The following KCND3 variants were observed in gnomAD, a reference collection of about 807,000 sequenced individuals.
The protein encoded by KCND3 is A-type voltage-gated potassium channel KCND3.
In KCND3, 9 loss-of-function variants were observed where a neutral mutation model predicts 51.1. That is an observed-to-expected ratio of 0.18 (90% confidence interval 0.11 to 0.31). KCND3 has a LOEUF of 0.31. Among genes scored for constraint, KCND3 ranks in the 10% least tolerant of loss-of-function variants. The probability of loss-of-function intolerance (pLI) is 1.00; values close to 1 mark genes in which losing one functional copy is unlikely to be tolerated. For synonymous variants in KCND3, 349 were observed against 368.0 expected (o/e 0.95, Z 0.59); for missense variants, 526 against 903.8 (o/e 0.58, Z 5.36).
intron 2 of KCND3, among the ~76,000 whole-genome samples, chr1:111,905,857 T>G (rs1445610024): frequency 6.6e-6 from 1 of 152,008 alleles, no homozygotes; most frequent in Non-Finnish European, 1.5e-5. Flanking sequence ...CTTAGAAAGC[T>G]CCATGGGAGA....
At chr1:111,784,625 C>G (rs1005936792) in intron 3 of KCND3, among the ~76,000 whole-genome samples, 15 of 152,218 alleles carry the variant, frequency 9.9e-5, no homozygotes, top group African/African-American at 3.6e-4. Flanking sequence ...TCTCCACTTT[C>G]CACCAAATCC....
intron 1 of KCND3, among the ~76,000 whole-genome samples, 189 bp downstream of exon 1, chr1:111,989,316 C>A (rs111333941): frequency 7.2e-5 from 11 of 152,090 alleles, no homozygotes; most frequent in Non-Finnish European, 1.5e-4. Context: ...CCGAGGGAAC[C>A]GACGCCCCCG....
At chr1:111,932,753 GC>G (rs1409808612) in intron 2 of KCND3, among the ~76,000 whole-genome samples, 29 of 152,148 alleles carry the variant, frequency 1.9e-4, no homozygotes, top group African/African-American at 7.0e-4. Context: ...CCAAAAGCTG[GC>G]CCTGCAGGAA....
intron 2 of KCND3, among the ~76,000 whole-genome samples, chr1:111,902,345 C>T (rs1670426913): frequency 6.6e-6 from 1 of 152,156 alleles, no homozygotes. Flanking sequence ...ACTGAATGAG[C>T]CTGGAGCAAC....
intron 2 of KCND3, among the ~76,000 whole-genome samples, chr1:111,861,525 C>T (rs1390813200): frequency 6.6e-6 from 1 of 152,222 alleles, no homozygotes; most frequent in African/African-American, 2.4e-5. Context: ...GGTCATAAGA[C>T]TTGTCCCAGG....
Position 111,842,393 on chromosome 1 carries a change from G to A in KCND3, c.1107-55287C>T, listed in dbSNP as rs558255942. On this transcript the variant is annotated intron_variant, in intron 2 of 7. Transcript: ENST00000302127. Reference sequence around the variant, plus strand: ...GAGGGAAGGTGGGACCTCCCAAAATGTCAGGGTCCTAGAGTGAGAAAGCAG... The same window carrying A: ...GAGGGAAGGTGGGACCTCCCAAAATATCAGGGTCCTAGAGTGAGAAAGCAG... Among the ~76,000 whole-genome samples, 41 of 152,332 alleles carry A rather than the reference G, an allele frequency of 2.7e-4. 1 individual carries two copies. In the South Asian group the frequency reaches 8.5e-3, roughly 32 times the overall value.
At chr1:111,961,772 C>T (rs892337945) in intron 2 of KCND3, among the ~76,000 whole-genome samples, 3 of 152,170 alleles carry the variant, frequency 2.0e-5, no homozygotes, top group African/African-American at 7.2e-5. Flanking sequence ...ATCTGGGTTC[C>T]AGTGATGTGA....
intron 2 of KCND3, among the ~76,000 whole-genome samples, chr1:111,795,159 A>G (rs1321358874): frequency 3.3e-5 from 5 of 152,148 alleles, no homozygotes; most frequent in East Asian, 1.9e-4. Context: ...ATGAAACCCC[A>G]TATCACCTCT....
intron 2 of KCND3, among the ~76,000 whole-genome samples, chr1:111,883,324 C>T (rs546845464): frequency 2.6e-5 from 4 of 152,244 alleles, no homozygotes; most frequent in Non-Finnish European, 5.9e-5. Context: ...CTGTCTGATA[C>T]ACAAGCTTAC....
rs181728305 is a variant in KCND3 at position 111,775,531 on chromosome 1, G to A, written c.*546C>T. 1 of 164,966 alleles carries A rather than the reference G, an allele frequency of 6.1e-6. No homozygotes were observed. The highest frequency in any genetic ancestry group is 1.6e-4 in the East Asian group (1 of 6,430). 10.2% of individuals were successfully genotyped at this position (164,966 alleles called of 1,614,324 possible). On this transcript the variant is annotated 3_prime_UTR_variant, in exon 8 of 8. Coordinates refer to ENST00000302127, the MANE Select transcript of KCND3 (RefSeq NM_001378969.1). ...AAATGCATTGTTTTGGTTCAAAGGT[G>A]TTGGGTCCATGGAGAAAAACATTTC...
At chr1:111,956,654 C>T (rs886158024) in intron 2 of KCND3, among the ~76,000 whole-genome samples, 1 of 152,112 alleles carries the variant, frequency 6.6e-6, no homozygotes, top group Non-Finnish European at 1.5e-5. Flanking sequence ...AGCTCATTTT[C>T]CCAGCCCTCC....
At chr1:111,942,760 G>C (rs1177151284) in intron 2 of KCND3, among the ~76,000 whole-genome samples, 1 of 152,214 alleles carries the variant, frequency 6.6e-6, no homozygotes, top group African/African-American at 2.4e-5. Flanking sequence ...AGCAGGAAAG[G>C]GGGTGGAGCT....
intron 2 of KCND3, among the ~76,000 whole-genome samples, chr1:111,874,552 T>C (rs1668964568): frequency 6.6e-6 from 1 of 152,220 alleles, no homozygotes; most frequent in South Asian, 2.1e-4. Context: ...TGGAGCCAAG[T>C]GTAGTGAGTC....
At chr1:111,845,730 G>A (rs1667517634) in intron 2 of KCND3, among the ~76,000 whole-genome samples, 1 of 152,182 alleles carries the variant, frequency 6.6e-6, no homozygotes, top group African/African-American at 2.4e-5. Flanking sequence ...CAAACAGAGT[G>A]AGACACAGAG....
intron 2 of KCND3, among the ~76,000 whole-genome samples, chr1:111,972,766 C>T (rs866982850): frequency 1.3e-5 from 2 of 152,324 alleles, no homozygotes; most frequent in East Asian, 1.9e-4. Flanking sequence ...TAGGGACAAG[C>T]CTCATGTTTT....
At chr1:111,846,043 T>G (rs933604453) in intron 2 of KCND3, among the ~76,000 whole-genome samples, 1 of 152,336 alleles carries the variant, frequency 6.6e-6, no homozygotes, top group Admixed American at 6.5e-5. Context: ...TCTGTTTTTC[T>G]ACTTCTCTGG....
chr1:111,963,711 T>C (rs1006364362), intron 2 of KCND3, among the ~76,000 whole-genome samples: 5 of 152,226 alleles, frequency 3.3e-5, no homozygotes, highest in African/African-American at 1.2e-4. Context: ...CCTACCGTCA[T>C]GAGGGACAAA....
intron 2 of KCND3, among the ~76,000 whole-genome samples, chr1:111,843,154 G>T (rs911516911): frequency 6.6e-6 from 1 of 152,166 alleles, no homozygotes; most frequent in Non-Finnish European, 1.5e-5. Flanking sequence ...AATGCTAGCT[G>T]GGTTCTGTGG....
chr1:111,796,394 A>G (rs1665057616), intron 2 of KCND3, among the ~76,000 whole-genome samples: 4 of 141,960 alleles, frequency 2.8e-5, no homozygotes, highest in Admixed American at 2.7e-4. Flanking sequence ...TCAATGGTAG[A>G]CCAGACCAAA....
Sources: allele counts gnomAD v4.1 joint callset (sites outside exome capture counted in the v4.1 genomes callset), GRCh38; gene constraint gnomAD v4.1.1; transcripts MANE v1.5; gene names NCBI Gene and HGNC (gene_info 2026-07-23, HGNC 2026-07-21).